ME2: variants seen among roughly 807,000 people sequenced by gnomAD.
ME2 encodes the protein malic enzyme 2, also known as NAD-dependent malic enzyme, mitochondrial.
In ME2, 60 loss-of-function variants were observed where a neutral mutation model predicts 73.7. That is an observed-to-expected ratio of 0.81 (90% CI 0.66 to 1.01). ME2 has a LOEUF of 1.01. Ranked by LOEUF, ME2 falls within the 50% of genes least tolerant of loss-of-function variation. The pLI is 0.00. For missense variants in ME2, 594 were observed against 705.5 expected (o/e 0.84, Z 1.79); for synonymous variants, 199 against 236.9 (o/e 0.84, Z 1.47).
Position 50,953,711 on chromosome 18 carries a change from T to C in ME2, c.*6527T>C, listed in dbSNP as rs956533803. ...CAATTTGCAATTCAATTATAAGGTATATTTTAAGTGATATCTATGTATTGT... is the reference window on the plus strand; with the variant it reads ...CAATTTGCAATTCAATTATAAGGTACATTTTAAGTGATATCTATGTATTGT... On this transcript the variant is annotated 3_prime_UTR_variant, in exon 16 of 16. Transcript: ENST00000321341. 1 of 152,246 alleles carries C rather than the reference T, an allele frequency of 6.6e-6. No homozygotes were observed. The highest frequency in any genetic ancestry group is 2.4e-5 in the African/African-American group (1 of 41,464). 9.4% of individuals were successfully genotyped at this position (152,246 alleles called of 1,614,324 possible). A position where few individuals can be genotyped will look rare whatever the true frequency, so the allele number is the denominator to read the frequency against.
chr18:50,904,958 A>C (rs1260935995), intron 2 of ME2, among the ~76,000 whole-genome samples: 1 of 151,798 alleles, frequency 6.6e-6, no homozygotes, highest in Non-Finnish European at 1.5e-5. Context: ...ATGTTGGCAT[A>C]CTTGATGGTG....
intron 2 of ME2, among the ~76,000 whole-genome samples, chr18:50,901,996 G>A (rs879399142): frequency 2.0e-5 from 3 of 152,154 alleles, no homozygotes; most frequent in Non-Finnish European, 4.4e-5. Flanking sequence ...ATGTAAGATT[G>A]TGAAGAGATT....
chr18:50,893,839 T>C (rs1450723864), intron 1 of ME2, among the ~76,000 whole-genome samples: 2 of 152,256 alleles, frequency 1.3e-5, no homozygotes, highest in African/African-American at 4.8e-5. Context: ...ATTTCTTCTT[T>C]GAAGCTGTGA....
intron 7 of ME2, among the ~76,000 whole-genome samples, chr18:50,919,709 A>G (rs936385255): frequency 6.6e-6 from 1 of 152,056 alleles, no homozygotes; most frequent in Non-Finnish European, 1.5e-5. Context: ...TATCACTGGC[A>G]GGTTTATCCT....
At chr18:50,879,903 T>C (rs573970665) in intron 1 of ME2, among the ~76,000 whole-genome samples, 1 of 152,344 alleles carries the variant, frequency 6.6e-6, no homozygotes, top group East Asian at 1.9e-4. Context: ...CTGCATGTGG[T>C]GTTACCTAGG....
chr18:50,932,628 T>G, intron 13 of ME2: 1 of 249,976 alleles, frequency 4.0e-6, no homozygotes, highest in Non-Finnish European at 7.6e-6. Context: ...GGCACAAAAT[T>G]ATGTAACCCT....
At chr18:50,913,037 G>A (rs2144225399) in intron 4 of ME2, 87 bp downstream of exon 4, 1 of 1,225,482 alleles carries the variant, frequency 8.2e-7, no homozygotes, top group Non-Finnish European at 1.1e-6. Flanking sequence ...TCTATTTTAT[G>A]TTTGTTAGCC....
chr18:50,940,447 A>G (rs559516270), intron 15 of ME2, 61 bp downstream of exon 15: 4 of 1,134,486 alleles, frequency 3.5e-6, no homozygotes, highest in South Asian at 1.4e-5. Context: ...TACAAGAAAT[A>G]CAGGTTTATT....
intron 12 of ME2, 61 bp downstream of exon 12, chr18:50,925,959 T>C: frequency 8.6e-7 from 1 of 1,165,100 alleles, no homozygotes; most frequent in East Asian, 2.4e-5. Context: ...TTATTAGTTA[T>C]ACATTCTTAC....
chr18:50,942,535 G>A (rs1199534608), intron 15 of ME2, among the ~76,000 whole-genome samples: 3 of 152,076 alleles, frequency 2.0e-5, no homozygotes, highest in Non-Finnish European at 4.4e-5. Flanking sequence ...GGGTCTTTCA[G>A]TATTGAGTAT....
At chr18:50,908,006 A>T in intron 2 of ME2, 57 bp from the exon 3 acceptor site, 3 of 1,232,950 alleles carry the variant, frequency 2.4e-6, no homozygotes, top group Non-Finnish European at 3.4e-6. Context: ...TTGAAGAACA[A>T]TGTCATTGCT....
intron 2 of ME2, 47 bp downstream of exon 2, chr18:50,895,975 G>A (rs755743305): frequency 7.7e-7 from 1 of 1,303,672 alleles, no homozygotes; most frequent in Non-Finnish European, 1.1e-6. Flanking sequence ...TCTTATTAAA[G>A]TTTGATATAT....
intron 13 of ME2, 50 bp downstream of exon 13, chr18:50,932,410 A>C: frequency 7.1e-7 from 1 of 1,411,312 alleles, no homozygotes; most frequent in Non-Finnish European, 1.0e-6. Context: ...ATTATGTAAA[A>C]ATACTTAATG....
At chr18:50,889,808 C>T (rs1568158502) in intron 1 of ME2, among the ~76,000 whole-genome samples, 4 of 152,188 alleles carry the variant, frequency 2.6e-5, no homozygotes, top group Admixed American at 2.0e-4. Context: ...TCTTATTTGG[C>T]AATGCTTCCC....
At chr18:50,923,963 G>T (rs1917484724) in intron 10 of ME2, 135 bp from the exon 11 acceptor site, 1 of 591,332 alleles carries the variant, frequency 1.7e-6, no homozygotes, top group Non-Finnish European at 3.0e-6. Context: ...GAAGGTATGG[G>T]TTGAAGAGGA....
chr18:50,893,124 C>CAAAAAAAAAAAAAAAAAAAAAAAAAAA (rs56104427), intron 1 of ME2, among the ~76,000 whole-genome samples: 1 of 78,090 alleles, frequency 1.3e-5, no homozygotes, highest in African/African-American at 5.9e-5. Context: ...GACTCTATCT[C>CAAAAAAAAAAAAAAAAAAAAAAAAAAA]AAAAAAAAAA....
At chr18:50,895,955 T>G (rs558932536) in intron 2 of ME2, 27 bp downstream of exon 2, 3 of 1,428,272 alleles carry the variant, frequency 2.1e-6, no homozygotes, top group African/African-American at 2.8e-5. Context: ...TCAATGTACA[T>G]TTTCTCTCTT....
intron 2 of ME2, among the ~76,000 whole-genome samples, chr18:50,905,750 T>A (rs539452299): frequency 8.5e-5 from 13 of 152,318 alleles, no homozygotes; most frequent in African/African-American, 2.9e-4. Flanking sequence ...ATAGGAGGCT[T>A]TGGAGACCAG....
intron 2 of ME2, among the ~76,000 whole-genome samples, chr18:50,899,611 C>A (rs77205289): frequency 6.6e-6 from 1 of 151,792 alleles, no homozygotes; most frequent in African/African-American, 2.4e-5. Flanking sequence ...GCCCCTGTCT[C>A]AAAAAAAATT....
Sources: allele counts gnomAD v4.1 joint callset (sites outside exome capture counted in the v4.1 genomes callset), GRCh38; gene constraint gnomAD v4.1.1; transcripts MANE v1.5; gene names NCBI Gene and HGNC (gene_info 2026-07-23, HGNC 2026-07-21).